FCHO2: variants seen among roughly 807,000 people sequenced by gnomAD.
FCHO2 encodes the protein F-BAR domain only protein 2.
A neutral mutation model predicts 114.1 loss-of-function variants in FCHO2; 43 were observed. The observed-to-expected ratio is 0.38, with a 90% CI of 0.30 to 0.49. The LOEUF is 0.49. Among genes scored for constraint, FCHO2 ranks in the 20% least tolerant of loss-of-function variants. FCHO2 has a pLI of 0.97. For missense variants in FCHO2, 807 were observed against 950.4 expected, an observed-to-expected ratio of 0.85 and a Z score of 1.98; for synonymous variants, 293 against 315.2, an observed-to-expected ratio of 0.93 and a Z score of 0.75.
At chr5:73,087,130 G>A (rs1035414923) in intron 24 of FCHO2, among the ~76,000 whole-genome samples, 3 of 152,170 alleles carry the variant, frequency 2.0e-5, no homozygotes, top group Non-Finnish European at 4.4e-5. Context: ...TGTTAGACCA[G>A]TAAAACTTTA....
chr5:73,030,417 A>G (rs1389032593), intron 8 of FCHO2, among the ~76,000 whole-genome samples: 2 of 152,226 alleles, frequency 1.3e-5, no homozygotes, highest in African/African-American at 2.4e-5. Context: ...ACTAGCAGCC[A>G]TTGTTGAGAA....
At chr5:72,983,678 A>G (rs1022450369) in intron 2 of FCHO2, among the ~76,000 whole-genome samples, 9 of 150,876 alleles carry the variant, frequency 6.0e-5, no homozygotes, top group South Asian at 2.1e-4. Context: ...AGCATGAGCC[A>G]CTGTGCCCCA....
chr5:72,979,795 C>T (rs181690070), intron 2 of FCHO2, among the ~76,000 whole-genome samples: 1 of 152,276 alleles, frequency 6.6e-6, no homozygotes, highest in East Asian at 1.9e-4. Flanking sequence ...GTGATATCCC[C>T]TTTATCATTT....
At chr5:72,984,390 C>G (rs1753392274) in intron 2 of FCHO2, among the ~76,000 whole-genome samples, 1 of 152,090 alleles carries the variant, frequency 6.6e-6, no homozygotes, top group African/African-American at 2.4e-5. Flanking sequence ...AGTTTGTTGG[C>G]TTCATAAAAT....
At chr5:72,983,749 T>G (rs1389366671) in intron 2 of FCHO2, among the ~76,000 whole-genome samples, 1 of 152,098 alleles carries the variant, frequency 6.6e-6, no homozygotes, top group Non-Finnish European at 1.5e-5. Context: ...CTTCCAACTT[T>G]GTTCTGCTCC....
intron 1 of FCHO2, 122 bp from the exon 2 acceptor site, chr5:72,968,376 A>G (rs1752322819): frequency 1.6e-6 from 1 of 623,890 alleles, no homozygotes; most frequent in African/African-American, 1.9e-5. Flanking sequence ...AATAAATGAG[A>G]AAAATTTATG....
intron 10 of FCHO2, among the ~76,000 whole-genome samples, chr5:73,040,415 A>G (rs1432698430): frequency 6.6e-6 from 1 of 152,158 alleles, no homozygotes; most frequent in Non-Finnish European, 1.5e-5. Context: ...CTTTGTGTGC[A>G]TTAACTGTCA....
At chr5:73,081,132 A>T (rs900450022) in intron 22 of FCHO2, among the ~76,000 whole-genome samples, 1 of 152,140 alleles carries the variant, frequency 6.6e-6, no homozygotes, top group Non-Finnish European at 1.5e-5. Context: ...ATAATATTCT[A>T]TGTTAGAAAA....
chr5:73,063,781 T>C lies in FCHO2; in HGVS notation c.1346-60T>C. 2.1e-6 allele frequency: 3 copies of C among 1,440,640 alleles called. No individual in the cohort carries two copies. In the South Asian group the frequency reaches 3.6e-5, roughly 17 times the overall value. 89.2% of individuals were successfully genotyped at this position (1,440,640 alleles called of 1,614,324 possible). A position where few individuals can be genotyped will look rare whatever the true frequency, so the allele number is the denominator to read the frequency against. ...AAGTTTCTTTATAATAGAATGTCTT[T>C]ATGTAAGGATTGCTACATACTAATG... On this transcript the variant is annotated intron_variant, in intron 17 of 25. Coordinates refer to ENST00000430046, the MANE Select transcript of FCHO2 (RefSeq NM_138782.3).
At chr5:73,076,604 C>T (rs1252683462) in intron 20 of FCHO2, among the ~76,000 whole-genome samples, 1 of 151,964 alleles carries the variant, frequency 6.6e-6, no homozygotes, top group East Asian at 1.9e-4. Flanking sequence ...CTGGGATTGG[C>T]CTGAGGTGCA....
intron 2 of FCHO2, among the ~76,000 whole-genome samples, chr5:72,980,443 C>T (rs947368726): frequency 1.3e-5 from 2 of 152,096 alleles, no homozygotes; most frequent in Non-Finnish European, 2.9e-5. Flanking sequence ...GGGGAGGGTT[C>T]TGTAGATGTC....
intron 5 of FCHO2, among the ~76,000 whole-genome samples, chr5:73,004,044 T>G (rs1427800114): frequency 7.8e-5 from 7 of 89,952 alleles, no homozygotes; most frequent in African/African-American, 2.8e-4. Flanking sequence ...TGAGACTCCA[T>G]CTCAAAAAAA....
chr5:73,050,093 A>T lies in FCHO2; in HGVS notation c.940-1256A>T, dbSNP rs563131259. Among the ~76,000 whole-genome samples the T allele has an allele frequency of 2.6e-5, 4 of 152,240 alleles. No individual in the cohort carries two copies. The East Asian group carries it at 7.7e-4, about 29-fold the overall frequency. On this transcript the variant is annotated intron_variant, in intron 11 of 25. Coordinates refer to ENST00000430046, the MANE Select transcript of FCHO2 (RefSeq NM_138782.3). Reference sequence around the variant, plus strand: ...CCAAAAGGCCAAGAAGCGATACATCATATATATCTTTAAAACATAATCACA... The same window carrying T: ...CCAAAAGGCCAAGAAGCGATACATCTTATATATCTTTAAAACATAATCACA...
intron 11 of FCHO2, among the ~76,000 whole-genome samples, chr5:73,047,070 T>A (rs1757093927): frequency 6.6e-6 from 1 of 152,224 alleles, no homozygotes; most frequent in Non-Finnish European, 1.5e-5. Context: ...AATTTGGAAA[T>A]CATTTCTAAC....
chr5:73,017,520 G>A (rs1755369155), intron 8 of FCHO2, among the ~76,000 whole-genome samples: 1 of 152,076 alleles, frequency 6.6e-6, no homozygotes, highest in African/African-American at 2.4e-5. Context: ...CTATTTTTAT[G>A]TCTGATGATA....
intron 8 of FCHO2, among the ~76,000 whole-genome samples, chr5:73,028,483 C>G (rs968887071): frequency 6.6e-6 from 1 of 152,090 alleles, no homozygotes; most frequent in African/African-American, 2.4e-5. Context: ...TGTCCATTAA[C>G]AGATGAACGG....
At chr5:73,001,766 A>G (rs1754455730) in intron 5 of FCHO2, among the ~76,000 whole-genome samples, 1 of 151,962 alleles carries the variant, frequency 6.6e-6, no homozygotes, top group Non-Finnish European at 1.5e-5. Flanking sequence ...GTGAGAGCCC[A>G]TCTCTACAAA....
intron 11 of FCHO2, among the ~76,000 whole-genome samples, chr5:73,050,084 C>T (rs1318220784): frequency 1.3e-5 from 2 of 151,884 alleles, no homozygotes; most frequent in East Asian, 1.9e-4. Flanking sequence ...GGCCAAGAAG[C>T]GATACATCAT....
chr5:73,010,419 G>A (rs1356896094), intron 6 of FCHO2, among the ~76,000 whole-genome samples: 3 of 152,128 alleles, frequency 2.0e-5, no homozygotes, highest in African/African-American at 7.2e-5. Flanking sequence ...GAAACTTTGA[G>A]ATTTGTTAAG....
Sources: allele counts gnomAD v4.1 joint callset (sites outside exome capture counted in the v4.1 genomes callset), GRCh38; gene constraint gnomAD v4.1.1; transcripts MANE v1.5; gene names NCBI Gene and HGNC (gene_info 2026-07-23, HGNC 2026-07-21).